TGM7: variants seen among roughly 807,000 people sequenced by gnomAD.
The protein encoded by TGM7 is protein-glutamine gamma-glutamyltransferase Z.
In TGM7, 74 loss-of-function variants were observed where a neutral mutation model predicts 79.5. That is an observed-to-expected ratio of 0.93 (90% CI 0.77 to 1.13). TGM7 has a LOEUF of 1.13. Ranked by LOEUF, TGM7 falls within the 50% of genes most tolerant of loss-of-function variation. TGM7 has a pLI of 0.00. For synonymous variants in TGM7, 354 were observed against 362.5 expected (o/e 0.98, Z 0.27); for missense variants, 912 against 905.9 (o/e 1.01, Z -0.09).
At chr15:43,299,729 C>A (rs2043017143) in intron 1 of TGM7, among the ~76,000 whole-genome samples, 1 of 152,188 alleles carries the variant, frequency 6.6e-6, no homozygotes, top group East Asian at 1.9e-4. Context: ...TTTCTCTTTC[C>A]ATTTCTCATT....
Position 43,287,599 on chromosome 15 carries a change from GC to G in TGM7, c.628del (p.Ala210ProfsTer17), listed in dbSNP as rs779654794. On this transcript the variant is annotated frameshift_variant, in exon 5 of 13. Coordinates refer to ENST00000452443, the MANE Select transcript of TGM7 (RefSeq NM_052955.3). LOFTEE classifies it high-confidence loss of function. ...GTCGTTCCGCTGGGAACAGTCTTTG[GC>G]CGGGTTCTTTAAGTGATACAGGCTC... The part of the protein sequence containing the change: ...NKSLYHLKNP[A>X]KDCSQRNDVV... 2.7e-5 allele frequency: 44 copies of G among 1,614,040 alleles called. No individual in the cohort carries two copies. The Admixed American group carries it at 6.3e-4, about 23-fold the overall frequency.
intron 1 of TGM7, among the ~76,000 whole-genome samples, chr15:43,297,576 A>T (rs1443978308): frequency 6.8e-6 from 1 of 147,350 alleles, no homozygotes; most frequent in African/African-American, 2.5e-5. Flanking sequence ...TGAAACAGCC[A>T]TCTGCATGTA....
At chr15:43,286,888 C>T (rs902233107) in intron 6 of TGM7, among the ~76,000 whole-genome samples, 5 of 152,188 alleles carry the variant, frequency 3.3e-5, no homozygotes, top group East Asian at 1.9e-4. Flanking sequence ...GGGCTGCTAG[C>T]TCTGCCTATG....
At chr15:43,298,364 C>T (rs556545492) in intron 1 of TGM7, among the ~76,000 whole-genome samples, 2 of 152,318 alleles carry the variant, frequency 1.3e-5, no homozygotes, top group African/African-American at 2.4e-5. Context: ...CGGGCCAAGA[C>T]GCTGCTGCTT....
In TGM7 at chr15:43,276,448, G is replaced by A; in HGVS notation, c.*7C>T. On this transcript the variant is annotated 3_prime_UTR_variant, in exon 13 of 13. Transcript: ENST00000452443. ...GGGTGCCAGGGAGGGCAGCTGGAGG[G>A]CGGGTCTCAGGGAGCCCCAGCCACA... is the stretch of plus-strand genomic sequence containing the variant. 6.2e-7 allele frequency: 1 copy of A among 1,609,504 alleles called. No homozygotes were observed. The highest frequency in any genetic ancestry group is 8.5e-7 in the Non-Finnish European group (1 of 1,177,492).
intron 1 of TGM7, 83 bp downstream of exon 1, chr15:43,302,158 C>G (rs2043028284): frequency 1.3e-6 from 2 of 1,543,426 alleles, no homozygotes; most frequent in Admixed American, 3.3e-5. Context: ...CCTGTCGCTT[C>G]CCTACATCCT....
In TGM7 at chr15:43,292,741, G is replaced by T. The variant is rs770861173; in HGVS notation, c.407C>A (p.Thr136Asn). The T allele has an allele frequency of 6.2e-6, 10 of 1,614,046 alleles. No individual in the cohort carries two copies. The Admixed American group carries it at 1.2e-4, about 19-fold the overall frequency. Residue 136 changes from threonine to asparagine, a missense_variant, in exon 3 of 13, where the codon ACT becomes AAT. Transcript: ENST00000452443. ...CCAAGGGTTAAAAAGTAGGATGAAAGTTCCCAGCGGGTAAGTCACACTGTG... is the reference window on the plus strand; with the variant it reads ...CCAAGGGTTAAAAAGTAGGATGAAATTTCCCAGCGGGTAAGTCACACTGTG... ...QGHSVTYPLG[T>N]FILLFNPWSP...
At chr15:43,300,343 G>T (rs1016109925) in intron 1 of TGM7, among the ~76,000 whole-genome samples, 3 of 152,240 alleles carry the variant, frequency 2.0e-5, no homozygotes, top group Non-Finnish European at 4.4e-5. Context: ...GCAAAGTTAA[G>T]TAACTTGGCC....
chr15:43,278,882 G>A (rs1459412517), intron 11 of TGM7, among the ~76,000 whole-genome samples: 1 of 152,222 alleles, frequency 6.6e-6, no homozygotes, highest in East Asian at 1.9e-4. Context: ...TGCCTTCACG[G>A]CCATCTAATT....
chr15:43,281,932 G>T lies in TGM7; in HGVS notation c.1263C>A (p.Asn421Lys), dbSNP rs2042911191. ...TGATCTCCTTCCCGATGGAACTGGTGTTGTGGGCCAGGATTTCCTGGGCCT... is the reference window on the plus strand; with the variant it reads ...TGATCTCCTTCCCGATGGAACTGGTTTTGTGGGCCAGGATTTCCTGGGCCT... ...DGQAQEILAH[N>K]TSSIGKEIST... The change falls in exon 9 of 13, where the codon AAC becomes AAA. Residue 421 changes from asparagine (N) to lysine (K), a missense_variant. By Grantham distance (94) the Asn-to-Lys change is moderately conservative. Transcript: ENST00000452443. 6.2e-7 allele frequency: 1 copy of T among 1,614,236 alleles called. No individual in the cohort carries two copies. The highest frequency in any genetic ancestry group is 1.3e-5 in the African/African-American group (1 of 75,062).
At chr15:43,293,305 G>T in intron 2 of TGM7, 144 bp downstream of exon 2, 1 of 1,108,250 alleles carries the variant, frequency 9.0e-7, no homozygotes, top group Non-Finnish European at 1.3e-6. Flanking sequence ...CACTAACAGG[G>T]TCCTGAGCAT....
intron 12 of TGM7, 26 bp downstream of exon 12, chr15:43,276,836 G>A: frequency 6.2e-7 from 1 of 1,610,878 alleles, no homozygotes; most frequent in Non-Finnish European, 8.5e-7. Flanking sequence ...ACCAGCAAGG[G>A]GGAGGTGGGC....
intron 1 of TGM7, 96 bp from the exon 2 acceptor site, chr15:43,293,727 G>A (rs1222582228): frequency 3.0e-5 from 15 of 507,238 alleles, no homozygotes; most frequent in Non-Finnish European, 3.9e-5. Context: ...GGTGCGGCGG[G>A]TGGTGGGGCG....
At chr15:43,287,252 A>G in intron 6 of TGM7, 28 bp downstream of exon 6, 1 of 1,601,880 alleles carries the variant, frequency 6.2e-7, no homozygotes, top group African/African-American at 1.3e-5. Flanking sequence ...AGTTAATCAC[A>G]CCCCTAAGTG....
At chr15:43,280,058 G>C in intron 9 of TGM7, 107 bp from the exon 10 acceptor site, 1 of 1,001,324 alleles carries the variant, frequency 1.0e-6, no homozygotes, top group Non-Finnish European at 1.5e-6. Flanking sequence ...GAGGCGGCGC[G>C]GCTCAGGTGC....
chr15:43,276,300 G>C lies in TGM7; in HGVS notation c.*155C>G. The stretch of plus-strand genomic sequence containing the variant: ...GGTGATAAATAAAGACATCTTTATT[G>C]TCTCTTCCCAAAGCACACGGTGTTT... On this transcript the variant is annotated 3_prime_UTR_variant, in exon 13 of 13. Coordinates refer to ENST00000452443, the MANE Select transcript of TGM7 (RefSeq NM_052955.3). The C allele has an allele frequency of 9.0e-6, 8 of 888,850 alleles. No homozygotes were observed. The highest frequency in any genetic ancestry group is 1.4e-5 in the Non-Finnish European group (8 of 589,140). 55.1% of individuals were successfully genotyped at this position (888,850 alleles called of 1,614,324 possible).
At chr15:43,282,370 T>A in intron 8 of TGM7, 147 bp downstream of exon 8, 1 of 801,000 alleles carries the variant, frequency 1.2e-6, no homozygotes, top group Non-Finnish European at 2.0e-6. Context: ...TAGAGTTAGA[T>A]TCCTGATCTG....
intron 7 of TGM7, among the ~76,000 whole-genome samples, chr15:43,282,972 C>T (rs930627227): frequency 2.1e-4 from 32 of 152,142 alleles, no homozygotes; most frequent in African/African-American, 7.7e-4. Context: ...ATGGTGTGAA[C>T]CCAGGAGGCG....
intron 1 of TGM7, among the ~76,000 whole-genome samples, chr15:43,300,930 G>C (rs1003502062): frequency 9.9e-5 from 15 of 152,172 alleles, no homozygotes; most frequent in African/African-American, 3.6e-4. Context: ...AGCTTCTTGA[G>C]CCTTCTCTGT....
Sources: allele counts gnomAD v4.1 joint callset (sites outside exome capture counted in the v4.1 genomes callset), GRCh38; gene constraint gnomAD v4.1.1; transcripts MANE v1.5; gene names NCBI Gene and HGNC (gene_info 2026-07-23, HGNC 2026-07-21).